The following KLRG1 variants were observed in gnomAD, a reference collection of about 807,000 sequenced individuals.
KLRG1 encodes killer cell lectin-like receptor subfamily G member 1.
A neutral mutation model predicts 21.8 loss-of-function variants in KLRG1; 16 were observed. The ratio of observed to expected loss-of-function variants is 0.73; its 90% CI spans 0.50 to 1.11. The LOEUF (loss-of-function observed/expected upper bound fraction) is 1.11, where lower values mean the gene tolerates loss of function less well. Among genes scored for constraint, KLRG1 ranks in the 50% most tolerant of loss-of-function variants. The probability of loss-of-function intolerance (pLI) is 0.00; values close to 1 mark genes in which losing one functional copy is unlikely to be tolerated. For missense variants in KLRG1, 173 were observed against 218.3 expected, an observed-to-expected ratio of 0.79 and a Z score of 1.31; for synonymous variants, 69 against 75.9, an observed-to-expected ratio of 0.91 and a Z score of 0.47.
At chr12:8,971,419 T>C (rs1035913696) in intron 1 of KLRG1, among the ~76,000 whole-genome samples, 1 of 152,176 alleles carries the variant, frequency 6.6e-6, no homozygotes, top group African/African-American at 2.4e-5. Context: ...TTAAAATCTT[T>C]AGCAATATAG....
At chr12:9,068,847 A>C in the KLRG1 span, 1 of 1,580,302 alleles carries the variant, frequency 6.3e-7, no homozygotes, top group Non-Finnish European at 8.6e-7. Flanking sequence ...TGACACCTGG[A>C]AAGCAAAAGT....
the KLRG1 span, among the ~76,000 whole-genome samples, chr12:9,183,379 C>T: frequency 7.3e-5 from 11 of 150,904 alleles, no homozygotes; most frequent in South Asian, 2.1e-4. Context: ...TGTCCCATAA[C>T]GTTATGTTGT....
At chr12:9,117,030 A>C in the KLRG1 span, among the ~76,000 whole-genome samples, 1 of 152,178 alleles carries the variant, frequency 6.6e-6, no homozygotes. Context: ...TTTTGAGGGA[A>C]AGCAAAATGT....
At position 8,964,133 on chromosome 12, in the gene KLRG1, G is replaced by A. The variant is rs191507489; in HGVS notation, c.-156+13897G>A. Among the ~76,000 whole-genome samples the A allele has an allele frequency of 3.5e-4, 54 of 152,272 alleles. 2 individuals are homozygous for A. In the East Asian group the frequency reaches 9.8e-3, roughly 28 times the overall value. ...GTTCTTTTAGTTGTGATGTTAGGGT[G>A]TCAATTTTAGATCTTTCCTGCTTTC... On this transcript the variant is annotated intron_variant, in intron 1 of 4. Coordinates refer to the KLRG1 transcript ENST00000539240.
chr12:9,097,358 C>A, the KLRG1 span, among the ~76,000 whole-genome samples: 2 of 152,068 alleles, frequency 1.3e-5, no homozygotes, highest in African/African-American at 4.8e-5. Flanking sequence ...GAAAAAGCTT[C>A]AGTAAGAGGT....
At chr12:9,078,264 T>G in the KLRG1 span, among the ~76,000 whole-genome samples, 1 of 127,086 alleles carries the variant, frequency 7.9e-6, no homozygotes, top group Non-Finnish European at 1.6e-5. Flanking sequence ...ATTGCTTAAC[T>G]CCCACTTATG....
the KLRG1 span, among the ~76,000 whole-genome samples, chr12:9,207,345 C>A: frequency 6.6e-6 from 1 of 152,144 alleles, no homozygotes; most frequent in African/African-American, 2.4e-5. Context: ...TATTATTGGA[C>A]CCAAGAGTTC....
At chr12:9,022,533 A>ATG in the KLRG1 span, among the ~76,000 whole-genome samples, 1 of 152,092 alleles carries the variant, frequency 6.6e-6, no homozygotes, top group Admixed American at 6.6e-5. Context: ...AGAGTGTCTT[A>ATG]TGTATGCTCA....
chr12:9,158,470 CCTT>C, the KLRG1 span: 2 of 1,614,132 alleles, frequency 1.2e-6, no homozygotes, highest in African/African-American at 1.3e-5. Context: ...CAGCCATTGT[CCTT>C]CTGCATCTGG....
chr12:9,196,991 G>A, the KLRG1 span: 2 of 1,500,440 alleles, frequency 1.3e-6, no homozygotes, highest in Non-Finnish European at 1.9e-6. Flanking sequence ...ATAGCACTGA[G>A]GGAGAATACC....
chr12:9,054,759 A>T, the KLRG1 span, among the ~76,000 whole-genome samples: 1 of 152,184 alleles, frequency 6.6e-6, no homozygotes, highest in Non-Finnish European at 1.5e-5. Context: ...AGAACCTATC[A>T]ATGGTGTTAA....
rs778203673 is a variant in KLRG1 at position 8,992,219 on chromosome 12, G to A, written c.96G>A (p.Arg32=). 6.2e-7 allele frequency: 1 copy of A among 1,612,954 alleles called. No homozygotes were observed. Among genetic ancestry groups the A allele is most frequent in the Non-Finnish European group, 8.5e-7 (1 of 1,179,542 alleles). The change falls in exon 2 of 5, where the codon AGG becomes AGA. Residue 32 remains arginine (R), a synonymous_variant. Coordinates refer to ENST00000356986, the MANE Select transcript of KLRG1 (RefSeq NM_005810.4). ...YGPQQKSSSS[R]PSCSCLVAIA... ...CTGTTGTTGCAGCTTCCTCTTCCAG[G>A]CCTTCTTGTTCTTGCCTTGTGGCAA...
chr12:8,964,607 C>T (rs745671849), intron 1 of KLRG1, among the ~76,000 whole-genome samples: 12 of 151,298 alleles, frequency 7.9e-5, no homozygotes, highest in South Asian at 2.1e-4. Flanking sequence ...CTTTCTGTCT[C>T]GTTGATCTGT....
the KLRG1 span, chr12:9,104,437 A>G: frequency 1.4e-5 from 22 of 1,550,460 alleles, no homozygotes; most frequent in African/African-American, 2.2e-4. Context: ...TATATTGGTA[A>G]TAACTAATAG....
the KLRG1 span, among the ~76,000 whole-genome samples, chr12:9,024,018 A>AT: frequency 0.26 from 18,290 of 70,884 alleles, 5,713 homozygotes; most frequent in Non-Finnish European, 0.31. Context: ...GAACACATGG[A>AT]TTTTTTTTTT....
the KLRG1 span, chr12:9,200,983 G>T: frequency 6.2e-7 from 1 of 1,614,124 alleles, no homozygotes; most frequent in African/African-American, 1.3e-5. Context: ...GCTCTGATGA[G>T]AGGGGAAAGG....
At chr12:9,050,716 G>A in the KLRG1 span, among the ~76,000 whole-genome samples, 1 of 152,206 alleles carries the variant, frequency 6.6e-6, no homozygotes, top group African/African-American at 2.4e-5. Context: ...GCTCCACGGA[G>A]CAGGCAGGAG....
the KLRG1 span, among the ~76,000 whole-genome samples, chr12:9,015,762 C>T: frequency 1.3e-5 from 2 of 152,042 alleles, no homozygotes; most frequent in African/African-American, 4.8e-5. Context: ...TGTTTGGTCA[C>T]AAAACAAGTC....
the KLRG1 span, among the ~76,000 whole-genome samples, chr12:9,199,391 A>G: frequency 1.3e-5 from 2 of 152,158 alleles, no homozygotes; most frequent in African/African-American, 4.8e-5. Context: ...GAAAAGGAGA[A>G]AGTGAAATTT....
Sources: gnomAD v4.1 joint callset for allele counts (sites outside exome capture counted in the v4.1 genomes callset) on GRCh38, gnomAD v4.1.1 for gene constraint, MANE v1.5 for transcripts, NCBI Gene and HGNC (gene_info 2026-07-23, HGNC 2026-07-21) for gene names.